UNC80: variants seen among roughly 807,000 people sequenced by gnomAD.
UNC80 encodes unc-80 subunit of NALCN channel complex.
UNC80 carries 164 observed loss-of-function variants against 384.6 expected under a neutral mutation model. The ratio of observed to expected loss-of-function variants is 0.43; its 90% CI spans 0.38 to 0.49. The LOEUF is 0.49. UNC80 is among the 20% of genes least tolerant of loss of function. The pLI is 0.00. For synonymous variants in UNC80, 1,486 were observed against 1,527.8 expected, an observed-to-expected ratio of 0.97 and a Z score of 0.64; for missense variants, 3,330 against 4,143.0, an observed-to-expected ratio of 0.80 and a Z score of 5.39.
At chr2:209,965,755 G>A (rs547768886) in intron 51 of UNC80, among the ~76,000 whole-genome samples, 114 of 151,882 alleles carry the variant, frequency 7.5e-4, no homozygotes, top group Non-Finnish European at 1.4e-3. Context: ...TGGAGGTCCT[G>A]GGAAACTGTA....
chr2:209,845,241 C>T (rs2082092838), intron 21 of UNC80: 1 of 152,132 alleles, frequency 6.6e-6, no homozygotes, highest in African/African-American at 2.4e-5. Flanking sequence ...AACCGTGAGA[C>T]ATAAATGTTT....
At chr2:209,952,815 C>A (rs2092246522) in intron 47 of UNC80, among the ~76,000 whole-genome samples, 1 of 152,196 alleles carries the variant, frequency 6.6e-6, no homozygotes, top group Middle Eastern at 3.2e-3. Flanking sequence ...GCAGAACCGA[C>A]TTCTTGCCTC....
chr2:209,929,969 C>T lies in UNC80; in HGVS notation c.5905C>T (p.Gln1969Ter). The T allele has an allele frequency of 6.5e-7, 1 of 1,527,358 alleles. No homozygotes were observed. The highest frequency in any genetic ancestry group is 2.5e-5 in the East Asian group (1 of 40,230). 94.6% of individuals were successfully genotyped at this position (1,527,358 alleles called of 1,614,324 possible). ...FLEKLTISNR[Q>*]DELMYMLRKL... ...GGAAAAACTGACCATCAGCAATAGA[C>T]AAGTAAATTCCTCTTCCTTTTTAGT... Residue 1969 changes from glutamine (Q) to a stop codon, truncating the protein, a stop_gained and splice_region_variant, in exon 37 of 65, where the codon CAA (glutamine) becomes TAA (stop). Transcript: ENST00000673920. LOFTEE classifies it high-confidence loss of function.
chr2:209,913,955 C>G lies in UNC80; in HGVS notation c.5029+15C>G. The G allele has an allele frequency of 6.5e-7, 1 of 1,529,808 alleles. No individual in the cohort carries two copies. The highest frequency in any genetic ancestry group is 1.2e-5 in the South Asian group (1 of 82,530). The allele number at this position is 1,529,808 out of a possible 1,614,324, so 94.8% of individuals were successfully genotyped here. On this transcript the variant is annotated intron_variant, in intron 31 of 64. Coordinates refer to ENST00000673920, the MANE Select transcript of UNC80 (RefSeq NM_001371986.1). ...AGGGGCAGCAGGTAAAGAAAGACCA[C>G]CTGGAACCCTGTGCCTGCTGCCACT...
intron 7 of UNC80, among the ~76,000 whole-genome samples, chr2:209,796,921 T>G (rs556929724): frequency 6.6e-6 from 1 of 152,190 alleles, no homozygotes; most frequent in Non-Finnish European, 1.5e-5. Context: ...ACAATCCAAT[T>G]TAAGAACATT....
rs913987533 is a variant in UNC80 at position 209,993,948 on chromosome 2, A to G, written c.9509-117A>G. The stretch of plus-strand genomic sequence containing the variant: ...ACGTGCTCTCATTTATTAATAAACC[A>G]GCAATGTTTTTATTTTAAAAAATCC... On this transcript the variant is annotated intron_variant, in intron 63 of 64. Coordinates refer to ENST00000673920, the MANE Select transcript of UNC80 (RefSeq NM_001371986.1). The G allele has an allele frequency of 3.4e-6, 3 of 879,846 alleles. No homozygotes were observed. The African/African-American group carries it at 5.2e-5, about 15-fold the overall frequency. 54.5% of individuals were successfully genotyped at this position (879,846 alleles called of 1,614,324 possible). A position where few individuals can be genotyped will look rare whatever the true frequency, so the allele number is the denominator to read the frequency against.
At chr2:209,824,145 A>T (rs2080335769) in intron 13 of UNC80, among the ~76,000 whole-genome samples, 1 of 152,132 alleles carries the variant, frequency 6.6e-6, no homozygotes, top group East Asian at 1.9e-4. Context: ...ATCTGAAAAA[A>T]TCTGAAATCC....
intron 4 of UNC80, among the ~76,000 whole-genome samples, chr2:209,782,413 C>G (rs1157851162): frequency 6.6e-6 from 1 of 152,096 alleles, no homozygotes; most frequent in Non-Finnish European, 1.5e-5. Context: ...CTAGTAAACT[C>G]CTACTTATCC....
intron 22 of UNC80, among the ~76,000 whole-genome samples, chr2:209,868,326 C>T (rs955205464): frequency 6.6e-6 from 1 of 152,030 alleles, no homozygotes; most frequent in Non-Finnish European, 1.5e-5. Context: ...CCCTAGGGGC[C>T]CACATAAAAT....
intron 5 of UNC80, among the ~76,000 whole-genome samples, chr2:209,786,390 T>G (rs754295383): frequency 1.3e-5 from 2 of 152,222 alleles, no homozygotes; most frequent in Non-Finnish European, 2.9e-5. Context: ...GCAATTCATT[T>G]AGACTTCCTG....
intron 28 of UNC80, among the ~76,000 whole-genome samples, chr2:209,902,913 G>A (rs1160174107): frequency 7.5e-6 from 1 of 133,884 alleles, no homozygotes; most frequent in Admixed American, 7.0e-5. Flanking sequence ...ACGTGTGTGT[G>A]TGTGTGTGTG....
intron 7 of UNC80, among the ~76,000 whole-genome samples, chr2:209,794,466 AT>A: frequency 6.6e-6 from 1 of 152,216 alleles, no homozygotes; most frequent in East Asian, 1.9e-4. Flanking sequence ...TTCAAATAAA[AT>A]TATAGCCTAG....
At chr2:209,918,103 A>G in intron 32 of UNC80, 145 bp downstream of exon 32, 1 of 767,168 alleles carries the variant, frequency 1.3e-6, no homozygotes, top group African/African-American at 1.8e-5. Flanking sequence ...AACATACATG[A>G]ATGCATTCCT....
In UNC80 at chr2:209,817,895, C is replaced by T; in HGVS notation, c.1636C>T (p.Leu546=). 2 of 1,551,672 alleles carry T rather than the reference C, an allele frequency of 1.3e-6. No individual in the cohort carries two copies. The highest frequency in any genetic ancestry group is 8.7e-7 in the Non-Finnish European group (1 of 1,146,994). ...CAGGCATTCCCACTCCCATCACACC[C>T]TGGTAAGCGACCTGCCGGACCCCTC... is the stretch of plus-strand genomic sequence containing the variant. The part of the protein sequence containing the change: ...SARHSHSHHT[L]VSDLPDPSNS... The change falls in exon 11 of 65, where the codon CTG becomes TTG. Residue 546 remains leucine, a synonymous_variant. Transcript: ENST00000673920.
rs1278349494 is a variant in UNC80, at chr2:209,976,175, C to T, written c.8644C>T (p.Leu2882=). The T allele has an allele frequency of 6.4e-7, 1 of 1,551,700 alleles. No individual in the cohort carries two copies. The highest frequency in any genetic ancestry group is 2.4e-5 in the East Asian group (1 of 40,912). ...GCAGCTCGGAAGCCAGTGGTACTGG[C>T]TGAGCCTCCAGGTGAAGGAGATGGC... ...ERQLGSQWYW[L]SLQVKEMALR... The change falls in exon 57 of 65, where the codon CTG becomes TTG. Residue 2882 remains leucine (L), a synonymous_variant. Transcript: ENST00000673920. This position sits in a 1 kb window ranked among gnomAD's most constrained non-coding sequence, Gnocchi z 4.3.
chr2:209,803,025 A>G (rs960030024), intron 7 of UNC80, among the ~76,000 whole-genome samples: 1 of 152,224 alleles, frequency 6.6e-6, no homozygotes, highest in African/African-American at 2.4e-5. Context: ...CAAAACCAGC[A>G]AGGGAGAGAA....
At chr2:209,873,066 A>T in intron 23 of UNC80, 96 bp downstream of exon 23, 5 of 1,185,392 alleles carry the variant, frequency 4.2e-6, no homozygotes, top group Non-Finnish European at 6.0e-6. Flanking sequence ...CAATTTATTG[A>T]GTGTTTGTTA....
At position 209,926,651 on chromosome 2, in the gene UNC80, A is replaced by G. The variant is rs149070909; in HGVS notation, c.5663-192A>G. Among the ~76,000 whole-genome samples, 333 of 152,204 alleles carry G rather than the reference A, an allele frequency of 2.2e-3. 2 individuals carry two copies. Among genetic ancestry groups the G allele is most frequent in the African/African-American group, 7.2e-3 (301 of 41,564 alleles). ...ATTAGTCAGATGTGGTGGCACACCT[A>G]TGTGGTCCCAGCTACTCTGGAGGCT... On this transcript the variant is annotated intron_variant, in intron 35 of 64. Transcript: ENST00000673920.
chr2:209,886,726 C>T (rs2085843771), intron 25 of UNC80, among the ~76,000 whole-genome samples: 1 of 152,194 alleles, frequency 6.6e-6, no homozygotes, highest in Admixed American at 6.5e-5. Flanking sequence ...ACTGCCTTTC[C>T]CCACTTGTTT....
Sources: allele counts gnomAD v4.1 joint callset (sites outside exome capture counted in the v4.1 genomes callset), GRCh38; gene constraint gnomAD v4.1.1; non-coding constraint Gnocchi (gnomAD v3.1); transcripts MANE v1.5; gene names NCBI Gene and HGNC (gene_info 2026-07-23, HGNC 2026-07-21).